The following JAKMIP1 variants were observed in gnomAD, a reference collection of about 807,000 sequenced individuals.
The protein encoded by JAKMIP1 is janus kinase and microtubule-interacting protein 1.
A neutral mutation model predicts 113.0 loss-of-function variants in JAKMIP1; 33 were observed. The observed-to-expected ratio is 0.29, with a 90% confidence interval of 0.22 to 0.39. The LOEUF is 0.39. Among genes scored for constraint, JAKMIP1 ranks in the 10% least tolerant of loss-of-function variants. JAKMIP1 has a pLI of 1.00. For synonymous variants in JAKMIP1, 480 were observed against 459.9 expected, an observed-to-expected ratio of 1.04 and a Z score of -0.56; for missense variants, 813 against 1,080.5, an observed-to-expected ratio of 0.75 and a Z score of 3.47.
At chr4:6,045,538 T>A (rs530671781) in intron 16 of JAKMIP1, among the ~76,000 whole-genome samples, 13 of 152,154 alleles carry the variant, frequency 8.5e-5, no homozygotes, top group Admixed American at 3.3e-4. Context: ...AGGCACATCA[T>A]AGGACATTCC....
At chr4:6,074,041 C>T (rs1719345600) in intron 8 of JAKMIP1, among the ~76,000 whole-genome samples, 1 of 152,234 alleles carries the variant, frequency 6.6e-6, no homozygotes, top group African/African-American at 2.4e-5. Context: ...TCTCCTCCAA[C>T]CTCTCCTTTG....
rs1466602360 is a variant in JAKMIP1, at chr4:6,093,327, G to A, written c.625-7698C>T. 1.3e-5 allele frequency among the ~76,000 whole-genome samples: 2 copies of A among 152,192 alleles called. No individual in the cohort carries two copies. Among genetic ancestry groups the A allele is most frequent in the Non-Finnish European group, 2.9e-5 (2 of 68,036 alleles). On this transcript the variant is annotated intron_variant, in intron 3 of 20. Coordinates refer to ENST00000409021, the MANE Select transcript of JAKMIP1 (RefSeq NM_001099433.2). This position sits in a 1 kb window ranked among gnomAD's most constrained non-coding sequence, Gnocchi z 4.6. ...TAAGCGCTTTGCTGCCTGGAATCGT[G>A]TCTTATTTTTCTCTATAACTCAGTA...
rs1015797994 is a variant in JAKMIP1, at chr4:6,180,584, T to G, written c.-148+19669A>C. ...GTCACCATTTATATAGCTCTCACTG[T>G]GTAGCAGGAACTGTTTCAAACTGTC... On this transcript the variant is annotated intron_variant, in intron 1 of 20. Transcript: ENST00000409021. The surrounding 1 kb of genome is among the most constrained non-coding windows in gnomAD (Gnocchi z 4.5). Among the ~76,000 whole-genome samples the G allele has an allele frequency of 1.3e-5, 2 of 152,218 alleles. No homozygotes were observed. Among genetic ancestry groups the G allele is most frequent in the Non-Finnish European group, 2.9e-5 (2 of 68,046 alleles).
chr4:6,102,722 C>CTTTTTTTTTTTTT lies in JAKMIP1; in HGVS notation c.624+2738_624+2750dup, dbSNP rs1191358910. Among the ~76,000 whole-genome samples, 10 of 50,820 alleles carry CTTTTTTTTTTTTT rather than the reference C, an allele frequency of 2.0e-4. 3 individuals carry two copies. Among genetic ancestry groups the CTTTTTTTTTTTTT allele is most frequent in the Admixed American group, 3.6e-4 (1 of 2,750 alleles). 33.3% of individuals were successfully genotyped at this position (50,820 alleles called of 152,430 possible). On this transcript the variant is annotated intron_variant, in intron 3 of 20. Coordinates refer to ENST00000409021, the MANE Select transcript of JAKMIP1 (RefSeq NM_001099433.2). ...TCCCTTTTTTCTCCCTCTCTAAAGACTTTTTTTTTTTTTTTTTTTTTTTTT... is the reference window on the plus strand; with the variant it reads ...TCCCTTTTTTCTCCCTCTCTAAAGACTTTTTTTTTTTTTTTTTTTTTTTTTTTTTTTTTTTTTT...
chr4:6,040,511 G>A lies in JAKMIP1; in HGVS notation c.2175+128C>T. 2 of 722,636 alleles carry A rather than the reference G, an allele frequency of 2.8e-6. No homozygotes were observed. Among genetic ancestry groups the A allele is most frequent in the Middle Eastern group, 2.3e-4 (1 of 4,360 alleles). 44.8% of individuals were successfully genotyped at this position (722,636 alleles called of 1,614,324 possible). ...ACGGTCATTCCAGTCACAAGGTGGA[G>A]ATGGCATTTTTATCACTCCTGTTTG... is the stretch of plus-strand genomic sequence containing the variant. On this transcript the variant is annotated intron_variant, in intron 18 of 20. Coordinates refer to ENST00000409021, the MANE Select transcript of JAKMIP1 (RefSeq NM_001099433.2). This position sits in a 1 kb window ranked among gnomAD's most constrained non-coding sequence, Gnocchi z 5.8.
Position 6,138,194 on chromosome 4 carries a change from C to A in JAKMIP1, c.-147-25197G>T, listed in dbSNP as rs1449654090. On this transcript the variant is annotated intron_variant, in intron 1 of 20. Transcript: ENST00000409021. This position sits in a 1 kb window ranked among gnomAD's most constrained non-coding sequence, Gnocchi z 6.0. Reference sequence around the variant, plus strand: ...GTGGCTTCTGTTATCTGCACCTGAACACAGATGAAAGCTGGGGTACCCCAG... The same window carrying A: ...GTGGCTTCTGTTATCTGCACCTGAAAACAGATGAAAGCTGGGGTACCCCAG... Among the ~76,000 whole-genome samples, 1 of 152,168 alleles carries A rather than the reference C, an allele frequency of 6.6e-6. No individual in the cohort carries two copies. Among genetic ancestry groups the A allele is most frequent in the Admixed American group, 6.5e-5 (1 of 15,282 alleles).
chr4:6,098,395 T>C (rs527813524), intron 3 of JAKMIP1, among the ~76,000 whole-genome samples: 2 of 151,402 alleles, frequency 1.3e-5, no homozygotes, highest in East Asian at 3.9e-4. Flanking sequence ...ATCACAGCAT[T>C]GCACTTCAGC....
intron 1 of JAKMIP1, among the ~76,000 whole-genome samples, chr4:6,134,801 C>A (rs959220424): frequency 6.6e-6 from 1 of 152,218 alleles, no homozygotes; most frequent in Non-Finnish European, 1.5e-5. Flanking sequence ...CTGCACCAGG[C>A]CTGGGGAGGC....
intron 20 of JAKMIP1, among the ~76,000 whole-genome samples, chr4:6,026,510 A>G (rs1375040516): frequency 6.6e-6 from 1 of 152,112 alleles, no homozygotes; most frequent in Non-Finnish European, 1.5e-5. Flanking sequence ...CCCACTCTCC[A>G]AACATGCAGC....
intron 3 of JAKMIP1, among the ~76,000 whole-genome samples, chr4:6,098,605 A>AG: frequency 6.7e-6 from 1 of 148,460 alleles, no homozygotes. Context: ...AAAGAAAGGA[A>AG]GAAAAGAAAG....
At chr4:6,035,055 A>G (rs1422517242) in intron 19 of JAKMIP1, among the ~76,000 whole-genome samples, 2 of 152,132 alleles carry the variant, frequency 1.3e-5, no homozygotes, top group Admixed American at 1.3e-4. Context: ...CAGATTGTGA[A>G]CTTGCCGATC....
At position 6,155,631 on chromosome 4, in the gene JAKMIP1, T is replaced by G. The variant is rs560766506; in HGVS notation, c.-147-42634A>C. 6.6e-6 allele frequency among the ~76,000 whole-genome samples: 1 copy of G among 152,246 alleles called. No homozygotes were observed. Among genetic ancestry groups the G allele is most frequent in the Non-Finnish European group, 1.5e-5 (1 of 68,046 alleles). ...ACGCGCATATTCAGCTGCAGGGACA[T>G]GCACGGATGTGCTGTTTACAACAAG... On this transcript the variant is annotated intron_variant, in intron 1 of 20. Transcript: ENST00000409021. The surrounding 1 kb of genome is among the most constrained non-coding windows in gnomAD (Gnocchi z 6.1).
rs1312987285 is a variant in JAKMIP1, at chr4:6,139,807, A to C, written c.-147-26810T>G. ...TAAAATAAAATAAAATAAAATAAGG[A>C]AATGGGAGCACAGAGACACAGAGAC... On this transcript the variant is annotated intron_variant, in intron 1 of 20. Transcript: ENST00000409021. The surrounding 1 kb of genome is among the most constrained non-coding windows in gnomAD (Gnocchi z 5.2). Among the ~76,000 whole-genome samples the C allele has an allele frequency of 2.0e-5, 3 of 147,796 alleles. No homozygotes were observed. The highest frequency in any genetic ancestry group is 6.6e-5 in the Admixed American group (1 of 15,086).
At chr4:6,198,316 C>CA (rs55823725) in intron 1 of JAKMIP1, among the ~76,000 whole-genome samples, 111,361 of 151,480 alleles carry the variant, frequency 0.74, 41,316 homozygotes, top group Non-Finnish European at 0.79. Flanking sequence ...TTGTTTTAGA[C>CA]GGGGGGAAAA....
At chr4:6,131,659 G>A (rs1230361492) in intron 1 of JAKMIP1, among the ~76,000 whole-genome samples, 3 of 152,198 alleles carry the variant, frequency 2.0e-5, no homozygotes, top group Admixed American at 6.5e-5. Flanking sequence ...GAACCCAGGG[G>A]ACAGGGGTTA....
At chr4:6,055,427 C>T (rs915556279) in intron 12 of JAKMIP1, among the ~76,000 whole-genome samples, 1 of 152,202 alleles carries the variant, frequency 6.6e-6, no homozygotes, top group African/African-American at 2.4e-5. Flanking sequence ...AGCTACTCGC[C>T]AAGCAGACTC....
intron 1 of JAKMIP1, among the ~76,000 whole-genome samples, chr4:6,190,365 C>T (rs1051985688): frequency 1.3e-5 from 2 of 152,296 alleles, no homozygotes; most frequent in East Asian, 1.9e-4. Context: ...TCAACAAAAA[C>T]CCCCAATAAA....
chr4:6,170,032 T>TCAC (rs1177725000), intron 1 of JAKMIP1, among the ~76,000 whole-genome samples: 1 of 75,738 alleles, frequency 1.3e-5, no homozygotes, highest in African/African-American at 5.3e-5. Context: ...CACATTCCCA[T>TCAC]CACCACCACC....
Position 6,037,948 on chromosome 4 carries a change from AC to A in JAKMIP1, c.2176-1842del, listed in dbSNP as rs754143453. Among the ~76,000 whole-genome samples the A allele has an allele frequency of 9.4e-5, 12 of 127,136 alleles. 1 individual carries two copies. In the East Asian group the frequency reaches 1.1e-3, roughly 12 times the overall value. The allele number at this position is 127,136 out of a possible 152,430, so 83.4% of individuals were successfully genotyped here. A position where few individuals can be genotyped will look rare whatever the true frequency, so the allele number is the denominator to read the frequency against. On this transcript the variant is annotated intron_variant, in intron 18 of 20. Coordinates refer to ENST00000409021, the MANE Select transcript of JAKMIP1 (RefSeq NM_001099433.2). ...CCCTCCATCACTGAGTCAGAGGTTAACCCAGTAGCCCTCCATCACCGAGGCA... is the reference window on the plus strand; with the variant it reads ...CCCTCCATCACTGAGTCAGAGGTTAACCAGTAGCCCTCCATCACCGAGGCA...
Sources: allele counts gnomAD v4.1 joint callset (sites outside exome capture counted in the v4.1 genomes callset), GRCh38; gene constraint gnomAD v4.1.1; non-coding constraint Gnocchi (gnomAD v3.1); transcripts MANE v1.5; gene names NCBI Gene and HGNC (gene_info 2026-07-23, HGNC 2026-07-21).